ATXN8OS: variants seen among roughly 807,000 people sequenced by gnomAD.
The protein encoded by ATXN8OS is ATXN8 opposite strand lncRNA.
At chr13:70,130,719 T>C in intron 3 of ATXN8OS, 1 of 398,476 alleles carries the variant, frequency 2.5e-6, no homozygotes, top group Non-Finnish European at 4.4e-6. Context: ...CATTTAAATA[T>C]ATCTGGCATA....
chr13:70,125,221 T>G (rs376445333), intron 2 of ATXN8OS, among the ~76,000 whole-genome samples: 61 of 152,142 alleles, frequency 4.0e-4, no homozygotes, highest in Middle Eastern at 3.2e-3. Context: ...ATACAGACAA[T>G]GGTATTATGA....
chr13:70,161,623 C>T (rs1160762498), intron 4 of ATXN8OS, among the ~76,000 whole-genome samples: 1 of 150,704 alleles, frequency 6.6e-6, no homozygotes, highest in Admixed American at 6.7e-5. Context: ...CATTGCCTAA[C>T]ACACTAAATA....
chr13:70,143,646 A>AC (rs763321181), intron 3 of ATXN8OS, among the ~76,000 whole-genome samples: 6 of 152,110 alleles, frequency 3.9e-5, no homozygotes, highest in Non-Finnish European at 8.8e-5. Flanking sequence ...AGCGGTGGGT[A>AC]CCTCACCTCT....
intron 3 of ATXN8OS, among the ~76,000 whole-genome samples, chr13:70,138,172 T>TC (rs1888645963): frequency 6.6e-6 from 1 of 152,312 alleles, no homozygotes; most frequent in East Asian, 1.9e-4. Context: ...TTGCAATGTT[T>TC]CCCCCTGTTG....
chr13:70,147,275 T>C (rs1888798990), intron 3 of ATXN8OS, among the ~76,000 whole-genome samples: 1 of 152,230 alleles, frequency 6.6e-6, no homozygotes, highest in East Asian at 1.9e-4. Context: ...TGTGAATTTA[T>C]AAAACCTGCC....
chr13:70,167,206 C>T (rs1026670857), intron 4 of ATXN8OS, among the ~76,000 whole-genome samples: 1 of 152,042 alleles, frequency 6.6e-6, no homozygotes, highest in Non-Finnish European at 1.5e-5. Context: ...GCTATAAAGA[C>T]ACATGCACAT....
intron 4 of ATXN8OS, among the ~76,000 whole-genome samples, chr13:70,168,688 T>C (rs1414088717): frequency 1.3e-5 from 2 of 151,996 alleles, no homozygotes; most frequent in Admixed American, 1.3e-4. Context: ...CAACCTTTAG[T>C]TCTATTCATG....
chr13:70,109,614 A>C (rs1391491273), intron 1 of ATXN8OS, among the ~76,000 whole-genome samples: 1 of 152,208 alleles, frequency 6.6e-6, no homozygotes, highest in African/African-American at 2.4e-5. Flanking sequence ...TAGTGCTTTT[A>C]AAATATTGAT....
chr13:70,140,619 T>C (rs745722503), intron 3 of ATXN8OS, among the ~76,000 whole-genome samples: 2 of 151,868 alleles, frequency 1.3e-5, no homozygotes, highest in East Asian at 3.9e-4. Flanking sequence ...TCATAGAATG[T>C]CTTCACCCAA....
chr13:70,130,610 G>A (rs1476020605), intron 3 of ATXN8OS: 2 of 397,596 alleles, frequency 5.0e-6, no homozygotes, highest in African/African-American at 4.1e-5. Flanking sequence ...TGGGAGAGAT[G>A]GGTAAGTAAT....
intron 2 of ATXN8OS, among the ~76,000 whole-genome samples, chr13:70,119,371 G>T (rs191183436): frequency 6.6e-6 from 1 of 152,020 alleles, no homozygotes; most frequent in Non-Finnish European, 1.5e-5. Flanking sequence ...ATTTTCATAT[G>T]CAACATAATA....
intron 2 of ATXN8OS, among the ~76,000 whole-genome samples, chr13:70,129,131 A>T (rs1273538201): frequency 3.9e-5 from 6 of 152,178 alleles, no homozygotes. Context: ...AAGTGCTGGG[A>T]GTACAGGCGT....
chr13:70,108,920 C>T (rs898529078), intron 1 of ATXN8OS, among the ~76,000 whole-genome samples: 4 of 152,232 alleles, frequency 2.6e-5, no homozygotes, highest in Non-Finnish European at 4.4e-5. Flanking sequence ...CACCCAGGCA[C>T]TGCTTCACTC....
Position 70,168,173 on chromosome 13 carries a change from G to A in ATXN8OS, n.574-1580G>A, listed in dbSNP as rs145305150. On this transcript the variant is annotated intron_variant and non_coding_transcript_variant, in intron 4 of 4. Coordinates refer to ENST00000678624, the Ensembl canonical transcript of ATXN8OS. The stretch of plus-strand genomic sequence containing the variant: ...AGGATTTCCCAAGGCTTGAGAACAA[G>A]AAAAAGGAAAGCAGTCAGCAGTTAC... 4.7e-3 allele frequency among the ~76,000 whole-genome samples: 710 copies of A among 152,068 alleles called. 7 individuals carry two copies. The highest frequency in any genetic ancestry group is 0.016 in the African/African-American group (667 of 41,494).
chr13:70,139,383 A>ACTACTACTGCTG lies in ATXN8OS; in HGVS notation n.500-7970_500-7969insACTACTGCTGCT. 478 of 458,264 alleles carry ACTACTACTGCTG rather than the reference A, an allele frequency of 1.0e-3. 5 individuals are homozygous for ACTACTACTGCTG. The highest frequency in any genetic ancestry group is 6.6e-3 in the East Asian group (187 of 28,518). The allele number at this position is 458,264 out of a possible 1,614,324, so 28.4% of individuals were successfully genotyped here. On this transcript the variant is annotated intron_variant and non_coding_transcript_variant, in intron 3 of 4. Transcript: ENST00000678624. ...TACTACTACTACTACTACTACTACTACTGCTGCTGCTGCTGCTGCTGCTGC... is the reference window on the plus strand; with the variant it reads ...TACTACTACTACTACTACTACTACTACTACTACTGCTGCTGCTGCTGCTGCTGCTGCTGCTGC...
chr13:70,128,242 G>T (rs2137480903), intron 2 of ATXN8OS, among the ~76,000 whole-genome samples: 1 of 152,152 alleles, frequency 6.6e-6, no homozygotes, highest in South Asian at 2.1e-4. Context: ...CCTGTCTAAT[G>T]GTCATTAAGT....
At chr13:70,129,857 G>C (rs1394964283) in exon 3 of ATXN8OS, 1 of 398,488 alleles carries the variant, frequency 2.5e-6, no homozygotes. Flanking sequence ...GTTGAGAAGA[G>C]AATGGCTCAG....
chr13:70,107,609 C>A (rs145694020), upstream of ATXN8OS: 465 of 1,592,236 alleles, frequency 2.9e-4, 1 homozygote, highest in African/African-American at 5.8e-3. Flanking sequence ...CCCGCCGGGC[C>A]GCCGGTGGAA....
intron 4 of ATXN8OS, among the ~76,000 whole-genome samples, chr13:70,166,575 T>A (rs11148838): frequency 0.44 from 65,988 of 151,342 alleles, 15,185 homozygotes; most frequent in African/African-American, 0.57. Context: ...GAAGAAAACG[T>A]AGGCAATACC....
Sources: gnomAD v4.1 joint callset for allele counts (sites outside exome capture counted in the v4.1 genomes callset) on GRCh38, gnomAD v4.1.1 for gene constraint, MANE v1.5 for transcripts, NCBI Gene and HGNC (gene_info 2026-07-23, HGNC 2026-07-21) for gene names.